Variants in VPS50 observed in about 807,000 individuals in gnomAD.
VPS50 encodes syndetin.
VPS50 carries 70 observed loss-of-function variants against 139.7 expected under a neutral mutation model. The ratio of observed to expected loss-of-function variants is 0.50; its 90% confidence interval spans 0.41 to 0.61. The LOEUF is 0.61. Ranked by LOEUF, VPS50 falls within the 20% of genes least tolerant of loss-of-function variation. The probability of loss-of-function intolerance (pLI) is 0.00; values close to 1 mark genes in which losing one functional copy is unlikely to be tolerated. For missense variants in VPS50, 921 were observed against 1,133.7 expected (o/e 0.81, Z 2.69); for synonymous variants, 365 against 376.7 (o/e 0.97, Z 0.36).
intron 21 of VPS50, among the ~76,000 whole-genome samples, chr7:93,328,451 A>G (rs1389740230): frequency 6.6e-6 from 1 of 152,208 alleles, no homozygotes; most frequent in Non-Finnish European, 1.5e-5. Context: ...TATTTAAAAA[A>G]TGAATTAACT....
intron 12 of VPS50, among the ~76,000 whole-genome samples, chr7:93,285,964 T>C (rs1298968535): frequency 6.6e-6 from 1 of 152,204 alleles, no homozygotes; most frequent in Non-Finnish European, 1.5e-5. Flanking sequence ...GTCTCTGTTA[T>C]AGAGTTTATG....
chr7:93,296,687 T>C (rs1286735008), intron 14 of VPS50, 55 bp from the exon 15 acceptor site: 1 of 1,571,386 alleles, frequency 6.4e-7, no homozygotes, highest in Non-Finnish European at 8.6e-7. Flanking sequence ...ATGCTTCTGA[T>C]AACTTATTTT....
intron 23 of VPS50, among the ~76,000 whole-genome samples, chr7:93,345,882 G>A (rs1298881161): frequency 3.9e-5 from 6 of 152,146 alleles, no homozygotes; most frequent in Admixed American, 6.5e-5. Context: ...TACTGAATGG[G>A]CAAAAACTGG....
intron 20 of VPS50, among the ~76,000 whole-genome samples, chr7:93,316,070 A>G (rs1318419160): frequency 6.6e-6 from 1 of 152,202 alleles, no homozygotes; most frequent in East Asian, 1.9e-4. Context: ...CTGACTCACT[A>G]TGGGGGCTGA....
intron 2 of VPS50, among the ~76,000 whole-genome samples, chr7:93,240,767 C>T (rs1339835244): frequency 6.6e-6 from 1 of 152,138 alleles, no homozygotes. Context: ...TAAGGCCTCT[C>T]CTTACACCTC....
At chr7:93,313,441 T>C (rs1797331412) in intron 20 of VPS50, among the ~76,000 whole-genome samples, 2 of 152,082 alleles carry the variant, frequency 1.3e-5, no homozygotes, top group South Asian at 4.1e-4. Context: ...TATAATCAAA[T>C]AAAATAAAAT....
chr7:93,261,448 C>G (rs532484607), intron 9 of VPS50, among the ~76,000 whole-genome samples: 1 of 151,824 alleles, frequency 6.6e-6, no homozygotes, highest in Non-Finnish European at 1.5e-5. Flanking sequence ...GAGGCCGAGG[C>G]GGGCGGATCA....
chr7:93,332,617 T>C (rs1390426703), intron 21 of VPS50, among the ~76,000 whole-genome samples: 1 of 152,204 alleles, frequency 6.6e-6, no homozygotes, highest in African/African-American at 2.4e-5. Context: ...TTTCTAGTTA[T>C]TTACCCAAGA....
chr7:93,257,814 AAAG>A (rs1795533878), intron 6 of VPS50: 2 of 238,430 alleles, frequency 8.4e-6, no homozygotes, highest in African/African-American at 4.5e-5. Flanking sequence ...CAAATGAAAT[AAAG>A]AAGGAAAGAC....
chr7:93,284,809 T>C (rs960278344), intron 12 of VPS50, among the ~76,000 whole-genome samples: 1 of 152,232 alleles, frequency 6.6e-6, no homozygotes, highest in African/African-American at 2.4e-5. Context: ...AAAGTTGGGC[T>C]CCAAGCCCAA....
intron 12 of VPS50, among the ~76,000 whole-genome samples, chr7:93,286,619 T>C (rs934096792): frequency 6.6e-6 from 1 of 152,148 alleles, no homozygotes; most frequent in Non-Finnish European, 1.5e-5. Flanking sequence ...ATGTGAAGAA[T>C]TGATGCTTGG....
Position 93,332,112 on chromosome 7 carries a change from T to C in VPS50, c.1978-2005T>C, listed in dbSNP as rs1399686194. 2.0e-5 allele frequency among the ~76,000 whole-genome samples: 3 copies of C among 152,350 alleles called. No homozygotes were observed. In the South Asian group the frequency reaches 6.2e-4, roughly 32 times the overall value. On this transcript the variant is annotated intron_variant, in intron 21 of 27. Transcript: ENST00000305866. ...GAGCCTTAGTCTGCTCCAACTTCCA[T>C]AGCAGAATAGCATAGACTCGGCTGC...
rs1248477087 is a variant in VPS50, at chr7:93,346,512, G to A, written c.2208-2199G>A. Among the ~76,000 whole-genome samples the A allele has an allele frequency of 3.3e-5, 5 of 152,216 alleles. No individual in the cohort carries two copies. The East Asian group carries it at 5.8e-4, about 18-fold the overall frequency. On this transcript the variant is annotated intron_variant, in intron 23 of 27. Transcript: ENST00000305866. ...ATGGAACCAAAAAAGAGCCTGCATC[G>A]CCAAGTCCATCCTGAGCCAAAAGAA...
chr7:93,296,281 A>G (rs2116949651), intron 14 of VPS50, among the ~76,000 whole-genome samples: 1 of 152,274 alleles, frequency 6.6e-6, no homozygotes, highest in East Asian at 1.9e-4. Context: ...TATTAAAATT[A>G]AATATTTAAT....
Position 93,294,754 on chromosome 7 carries a change from T to G in VPS50, c.1167+118T>G, listed in dbSNP as rs898661780. The G allele has an allele frequency of 7.1e-5, 54 of 765,676 alleles. No individual in the cohort carries two copies. In the East Asian group the frequency reaches 1.6e-3, roughly 22 times the overall value. 47.4% of individuals were successfully genotyped at this position (765,676 alleles called of 1,614,324 possible). A position where few individuals can be genotyped will look rare whatever the true frequency, so the allele number is the denominator to read the frequency against. On this transcript the variant is annotated intron_variant, in intron 14 of 27. Transcript: ENST00000305866. ...ATTCTTTGCAGATTTAATCATATGT[T>G]TCTGTTTGGAATTAGGCTATCATTT... is the stretch of plus-strand genomic sequence containing the variant.
At chr7:93,269,637 GTAT>G (rs753645828) in intron 9 of VPS50, among the ~76,000 whole-genome samples, 122 of 151,890 alleles carry the variant, frequency 8.0e-4, no homozygotes, top group Admixed American at 1.3e-3. Flanking sequence ...TCTCACTCTG[GTAT>G]TATCTCTGTA....
At chr7:93,322,490 C>T (rs1055284831) in intron 20 of VPS50, among the ~76,000 whole-genome samples, 7 of 150,120 alleles carry the variant, frequency 4.7e-5, no homozygotes, top group African/African-American at 7.4e-5. Context: ...GTCCCAGCTA[C>T]TCGGGAGGCT....
intron 12 of VPS50, among the ~76,000 whole-genome samples, chr7:93,279,431 C>G (rs1044911388): frequency 1.3e-5 from 2 of 152,108 alleles, no homozygotes; most frequent in African/African-American, 4.8e-5. Flanking sequence ...GTGATGAAAT[C>G]TAAGTACATT....
intron 3 of VPS50, 148 bp downstream of exon 3, chr7:93,252,923 G>A (rs1016615092): frequency 8.7e-6 from 5 of 577,626 alleles, no homozygotes; most frequent in African/African-American, 2.0e-5. Flanking sequence ...TCAACTGTCA[G>A]CATTGTTTGG....
Sources: allele counts gnomAD v4.1 joint callset (sites outside exome capture counted in the v4.1 genomes callset), GRCh38; gene constraint gnomAD v4.1.1; transcripts MANE v1.5; gene names NCBI Gene and HGNC (gene_info 2026-07-23, HGNC 2026-07-21).